PKHD1: variants seen among roughly 807,000 people sequenced by gnomAD.
The protein encoded by PKHD1 is PKHD1 ciliary IPT domain containing fibrocystin/polyductin, also known as fibrocystin.
Under a neutral mutation model 412.0 loss-of-function variants are expected in PKHD1, and 291 were observed. The ratio of observed to expected loss-of-function variants is 0.71; its 90% CI spans 0.64 to 0.78. PKHD1 has a LOEUF of 0.78. Among genes scored for constraint, PKHD1 ranks in the 30% least tolerant of loss-of-function variants. The pLI is 0.00. For synonymous variants in PKHD1, 1,777 were observed against 1,821.5 expected, an observed-to-expected ratio of 0.98 and a Z score of 0.62; for missense variants, 4,825 against 4,950.7, an observed-to-expected ratio of 0.97 and a Z score of 0.76.
intron 34 of PKHD1, among the ~76,000 whole-genome samples, chr6:52,011,522 A>T (rs1233658771): frequency 6.6e-6 from 1 of 152,186 alleles, no homozygotes; most frequent in South Asian, 2.1e-4. Flanking sequence ...AGTGCTCTCA[A>T]GTTTTGAAAT....
intron 52 of PKHD1, among the ~76,000 whole-genome samples, chr6:51,801,144 T>C (rs1488745150): frequency 6.6e-6 from 1 of 152,208 alleles, no homozygotes; most frequent in Non-Finnish European, 1.5e-5. Flanking sequence ...TTTTCTTTCT[T>C]TTGTGGTCTC....
chr6:51,995,996 T>A lies in PKHD1; in HGVS notation c.5751+14313A>T, dbSNP rs190011297. Among the ~76,000 whole-genome samples, 1,189 of 151,734 alleles carry A rather than the reference T, an allele frequency of 7.8e-3. 14 individuals are homozygous for A. Among genetic ancestry groups the A allele is most frequent in the African/African-American group, 0.027 (1,105 of 41,358 alleles). ...TCTGTAAATCATGTTTCAGAAGGAT[T>A]AAAGAACGGCAATTTTTTTTTTTTT... is the stretch of plus-strand genomic sequence containing the variant. On this transcript the variant is annotated intron_variant, in intron 35 of 66. Coordinates refer to ENST00000371117, the MANE Select transcript of PKHD1 (RefSeq NM_138694.4).
intron 35 of PKHD1, among the ~76,000 whole-genome samples, chr6:52,005,171 C>G (rs1798896579): frequency 6.6e-6 from 1 of 152,176 alleles, no homozygotes; most frequent in Non-Finnish European, 1.5e-5. Flanking sequence ...TGTGTTGCCT[C>G]TCCATTCCCT....
chr6:51,723,881 TA>T (rs780544821), intron 60 of PKHD1, among the ~76,000 whole-genome samples: 37 of 152,182 alleles, frequency 2.4e-4, no homozygotes, highest in Non-Finnish European at 4.3e-4. Flanking sequence ...TGAATTAAAA[TA>T]AATTGAAAAG....
rs2128141306 is a variant in PKHD1 at position 52,024,567 on chromosome 6, G to T, written c.5236+7C>A. 2 of 1,613,206 alleles carry T rather than the reference G, an allele frequency of 1.2e-6. No individual in the cohort carries two copies. Among genetic ancestry groups the T allele is most frequent in the South Asian group, 2.2e-5 (2 of 90,992 alleles). ...AGAAAGTGTGCTGTCTTATTTGCTT[G>T]ACTTACCGAAGTTCTCCGTCACTGC... On this transcript the variant is annotated splice_region_variant and intron_variant, in intron 32 of 66. Transcript: ENST00000371117.
At chr6:51,739,745 G>A (rs1468365001) in intron 60 of PKHD1, among the ~76,000 whole-genome samples, 1 of 152,132 alleles carries the variant, frequency 6.6e-6, no homozygotes, top group Non-Finnish European at 1.5e-5. Flanking sequence ...CATAAAAAAG[G>A]TGCTCATGCA....
chr6:52,016,313 G>A (rs1800519286), intron 34 of PKHD1, among the ~76,000 whole-genome samples: 3 of 152,262 alleles, frequency 2.0e-5, no homozygotes, highest in South Asian at 4.2e-4. Flanking sequence ...TTTCACCGTG[G>A]GGAAGTGGTC....
chr6:51,935,148 T>A (rs1368656440), intron 36 of PKHD1, among the ~76,000 whole-genome samples: 1 of 152,142 alleles, frequency 6.6e-6, no homozygotes, highest in Non-Finnish European at 1.5e-5. Flanking sequence ...CCCAATACCT[T>A]CCCAATACAT....
intron 52 of PKHD1, among the ~76,000 whole-genome samples, chr6:51,792,377 C>T (rs964731080): frequency 3.3e-5 from 5 of 152,198 alleles, no homozygotes; most frequent in African/African-American, 1.2e-4. Flanking sequence ...AGTATAATCT[C>T]ATCTCTCATT....
At chr6:51,993,486 T>C (rs1797294677) in intron 35 of PKHD1, among the ~76,000 whole-genome samples, 1 of 152,218 alleles carries the variant, frequency 6.6e-6, no homozygotes, top group Admixed American at 6.5e-5. Flanking sequence ...CAGTGTCTTT[T>C]TTGCTAAGTT....
intron 60 of PKHD1, among the ~76,000 whole-genome samples, chr6:51,723,185 T>C (rs1261138638): frequency 1.3e-5 from 2 of 152,180 alleles, no homozygotes; most frequent in Non-Finnish European, 2.9e-5. Flanking sequence ...GTCTATATGA[T>C]CTTAAAGGTG....
chr6:52,023,483 C>G (rs1034487664), intron 32 of PKHD1, among the ~76,000 whole-genome samples: 9 of 152,054 alleles, frequency 5.9e-5, no homozygotes, highest in African/African-American at 2.2e-4. Flanking sequence ...ATTATAGGGC[C>G]CTGCTACAAT....
intron 53 of PKHD1, among the ~76,000 whole-genome samples, chr6:51,781,053 T>C (rs1230743273): frequency 6.6e-6 from 1 of 152,166 alleles, no homozygotes; most frequent in Non-Finnish European, 1.5e-5. Flanking sequence ...CTTTGGAAGT[T>C]GAGCTTCTAC....
chr6:51,701,562 T>C (rs1779404078), intron 60 of PKHD1, among the ~76,000 whole-genome samples: 1 of 152,086 alleles, frequency 6.6e-6, no homozygotes, highest in African/African-American at 2.4e-5. Context: ...AATATTTTCC[T>C]AAAACTGGGC....
chr6:52,017,623 A>C lies in PKHD1; in HGVS notation c.5387T>G (p.Leu1796Trp), dbSNP rs1392563870. The change falls in exon 34 of 67, where the codon TTG becomes TGG. Residue 1796 changes from leucine (L) to tryptophan (W), a missense_variant. Physicochemically the swap from Leu to Trp is moderately conservative, Grantham distance 61. Transcript: ENST00000371117. ...ACGCTTCAGGCCACACAGGAAGGCCAAGGACACTGCAGGAAACAGTCACCA... is the reference window on the plus strand; with the variant it reads ...ACGCTTCAGGCCACACAGGAAGGCCCAGGACACTGCAGGAAACAGTCACCA... ...SCLVLPLDVS[L>W]AFLCGLKREE... is the part of the protein sequence containing the mutation. 1 of 1,612,842 alleles carries C rather than the reference A, an allele frequency of 6.2e-7. No individual in the cohort carries two copies. Among genetic ancestry groups the C allele is most frequent in the Non-Finnish European group, 8.5e-7 (1 of 1,179,350 alleles).
intron 48 of PKHD1, among the ~76,000 whole-genome samples, chr6:51,858,972 A>T (rs1773744998): frequency 6.6e-6 from 1 of 152,192 alleles, no homozygotes; most frequent in Non-Finnish European, 1.5e-5. Flanking sequence ...GAGGACAAAC[A>T]TAGTCAGTGG....
intron 54 of PKHD1, 103 bp downstream of exon 54, chr6:51,775,705 G>T: frequency 1.4e-6 from 1 of 690,116 alleles, no homozygotes; most frequent in South Asian, 1.6e-5. Context: ...AGGGTGTTTG[G>T]AATTTAGCAT....
intron 60 of PKHD1, among the ~76,000 whole-genome samples, chr6:51,700,751 G>C (rs1052667356): frequency 3.3e-5 from 5 of 152,052 alleles, no homozygotes; most frequent in Non-Finnish European, 5.9e-5. Flanking sequence ...TACCTGAAAA[G>C]CCTCTGAAAT....
At chr6:51,872,530 T>C (rs1776139425) in intron 46 of PKHD1, among the ~76,000 whole-genome samples, 1 of 152,096 alleles carries the variant, frequency 6.6e-6, no homozygotes, top group African/African-American at 2.4e-5. Flanking sequence ...TACTTCAGCC[T>C]CCCGAGTAGC....
Sources: gnomAD v4.1 joint callset for allele counts (sites outside exome capture counted in the v4.1 genomes callset) on GRCh38, gnomAD v4.1.1 for gene constraint, MANE v1.5 for transcripts, NCBI Gene and HGNC (gene_info 2026-07-23, HGNC 2026-07-21) for gene names.